SATB2: variants seen among roughly 807,000 people sequenced by gnomAD.
SATB2 encodes DNA-binding protein SATB2.
In SATB2, 1 loss-of-function variant was observed where a neutral mutation model predicts 73.4. The observed-to-expected ratio is 0.01, with a 90% confidence interval of 0.00 to 0.06. The LOEUF (loss-of-function observed/expected upper bound fraction) is 0.06, where lower values mean the gene tolerates loss of function less well. Among genes scored for constraint, SATB2 ranks in the 10% least tolerant of loss-of-function variants. The pLI is 1.00. For missense variants in SATB2, 459 were observed against 945.8 expected (o/e 0.49, Z 6.75); for synonymous variants, 397 against 367.0 (o/e 1.08, Z -0.93).
chr2:199,304,672 G>C (rs1220572304), intron 10 of SATB2, among the ~76,000 whole-genome samples: 2 of 152,192 alleles, frequency 1.3e-5, no homozygotes, highest in East Asian at 3.9e-4. Context: ...GTGGATTCAT[G>C]ATGTGACAGG....
intron 5 of SATB2, among the ~76,000 whole-genome samples, chr2:199,373,206 G>A (rs780989157): frequency 2.6e-5 from 4 of 152,250 alleles, no homozygotes; most frequent in African/African-American, 4.8e-5. Context: ...GTCTTCATGA[G>A]GGAGAGAGCA....
intron 2 of SATB2, among the ~76,000 whole-genome samples, chr2:199,438,123 AT>A (rs1263981157): frequency 6.6e-6 from 1 of 152,172 alleles, no homozygotes; most frequent in Non-Finnish European, 1.5e-5. Flanking sequence ...AAATAAAATT[AT>A]TTTTTAAAAG....
At chr2:199,337,665 A>G (rs1374305238) in intron 7 of SATB2, among the ~76,000 whole-genome samples, 1 of 152,192 alleles carries the variant, frequency 6.6e-6, no homozygotes, top group Non-Finnish European at 1.5e-5. Context: ...TCTTATAGGT[A>G]TTGCAGTCAG....
chr2:199,432,339 C>T (rs1691527855), intron 3 of SATB2, among the ~76,000 whole-genome samples: 1 of 152,218 alleles, frequency 6.6e-6, no homozygotes, highest in Non-Finnish European at 1.5e-5. Flanking sequence ...TTGGTCACCA[C>T]ATCTGTAACT....
chr2:199,447,645 C>T, intron 2 of SATB2, among the ~76,000 whole-genome samples: 1 of 152,126 alleles, frequency 6.6e-6, no homozygotes, highest in African/African-American at 2.4e-5. Context: ...CCTGGTCAAA[C>T]TGTGTATGAA....
In SATB2 at chr2:199,271,959, G is replaced by A. The variant is rs1475550131; in HGVS notation, c.*252C>T. 2 of 539,838 alleles carry A rather than the reference G, an allele frequency of 3.7e-6. No individual in the cohort carries two copies. Among genetic ancestry groups the A allele is most frequent in the East Asian group, 3.3e-5 (1 of 30,070 alleles). 33.4% of individuals were successfully genotyped at this position (539,838 alleles called of 1,614,324 possible). On this transcript the variant is annotated 3_prime_UTR_variant, in exon 11 of 11. Transcript: ENST00000417098. Reference sequence around the variant, plus strand: ...TCCAGTCATAGAGACGGGATAAAGTGTAACGCTTTAGTGTCTTTGCCAAGG... The same window carrying A: ...TCCAGTCATAGAGACGGGATAAAGTATAACGCTTTAGTGTCTTTGCCAAGG...
At position 199,417,660 on chromosome 2, in the gene SATB2, A is replaced by G. The variant is rs554267771; in HGVS notation, c.346+15678T>C. 3.3e-5 allele frequency among the ~76,000 whole-genome samples: 5 copies of G among 152,344 alleles called. No individual in the cohort carries two copies. The South Asian group carries it at 1.0e-3, about 32-fold the overall frequency. ...CTCACTAATTACAAAGCTATCAGTGAATATTTAAAGTTTCATTTGTCATTA... is the reference window on the plus strand; with the variant it reads ...CTCACTAATTACAAAGCTATCAGTGGATATTTAAAGTTTCATTTGTCATTA... On this transcript the variant is annotated intron_variant, in intron 3 of 10. Transcript: ENST00000417098.
intron 10 of SATB2, among the ~76,000 whole-genome samples, chr2:199,295,232 T>C (rs920181192): frequency 2.0e-4 from 30 of 152,216 alleles, no homozygotes; most frequent in African/African-American, 7.0e-4. Context: ...GATGATCAAA[T>C]GAGCTGTATT....
At chr2:199,328,091 C>A (rs1688080433) in intron 8 of SATB2, among the ~76,000 whole-genome samples, 1 of 152,160 alleles carries the variant, frequency 6.6e-6, no homozygotes, top group Non-Finnish European at 1.5e-5. Context: ...TATGTATAAA[C>A]ATCCTAGAGC....
chr2:199,328,872 A>G lies in SATB2; in HGVS notation c.1212T>C (p.Pro404=), dbSNP rs1486060390. 3.1e-6 allele frequency: 5 copies of G among 1,613,802 alleles called. No individual in the cohort carries two copies. Among genetic ancestry groups the G allele is most frequent in the Non-Finnish European group, 4.2e-6 (5 of 1,179,914 alleles). ...CTAGAAGAGACTGAGAGGCTGTCCG[A>G]GGGTCTTCTTCCTTACGCAGAATCT... ...LSEILRKEED[P]RTASQSLLVN... Residue 404 remains proline (P), a synonymous_variant, in exon 8 of 11, where the codon CCT becomes CCC. Transcript: ENST00000417098.
intron 2 of SATB2, among the ~76,000 whole-genome samples, chr2:199,437,350 C>T (rs929441382): frequency 6.6e-6 from 1 of 152,202 alleles, no homozygotes; most frequent in African/African-American, 2.4e-5. Context: ...CAAAACAAGC[C>T]TGGTACCCTC....
intron 3 of SATB2, among the ~76,000 whole-genome samples, chr2:199,431,121 A>G (rs1691488766): frequency 6.6e-6 from 1 of 152,220 alleles, no homozygotes; most frequent in African/African-American, 2.4e-5. Context: ...ATGAACAAAA[A>G]ACTACCCCCA....
intron 3 of SATB2, among the ~76,000 whole-genome samples, chr2:199,386,414 T>G (rs1196514479): frequency 6.6e-6 from 1 of 152,184 alleles, no homozygotes; most frequent in East Asian, 1.9e-4. Context: ...CAGGTAGGTA[T>G]GTCTAGTTAC....
At chr2:199,420,389 A>C (rs1691129328) in intron 3 of SATB2, among the ~76,000 whole-genome samples, 1 of 152,118 alleles carries the variant, frequency 6.6e-6, no homozygotes, top group Non-Finnish European at 1.5e-5. Flanking sequence ...TAGTGAGACT[A>C]TGTCTTAAGG....
intron 2 of SATB2, among the ~76,000 whole-genome samples, chr2:199,450,319 T>C (rs898088834): frequency 1.3e-5 from 2 of 152,170 alleles, no homozygotes; most frequent in South Asian, 2.1e-4. Context: ...CTGTTACACA[T>C]ACAACTTTTG....
At chr2:199,299,042 T>C (rs1422558540) in intron 10 of SATB2, among the ~76,000 whole-genome samples, 1 of 152,172 alleles carries the variant, frequency 6.6e-6, no homozygotes, top group African/African-American at 2.4e-5. Flanking sequence ...ATGAGCCAGG[T>C]GGTTTGGTTC....
chr2:199,291,533 C>T (rs1489455262), intron 10 of SATB2, among the ~76,000 whole-genome samples: 2 of 152,146 alleles, frequency 1.3e-5, no homozygotes, highest in African/African-American at 2.4e-5. Flanking sequence ...ACTGAGAGTA[C>T]AGTTTTTAGC....
intron 10 of SATB2, among the ~76,000 whole-genome samples, chr2:199,299,871 C>T (rs1324818389): frequency 3.9e-5 from 6 of 152,106 alleles, no homozygotes; most frequent in African/African-American, 1.2e-4. Flanking sequence ...GTGGTTTGCC[C>T]TCTCACAGAT....
intron 3 of SATB2, among the ~76,000 whole-genome samples, chr2:199,382,535 A>G (rs1559018564): frequency 6.6e-6 from 1 of 152,216 alleles, no homozygotes. Context: ...AAAAAATAAT[A>G]AAAATCCTTT....
Sources: allele counts gnomAD v4.1 joint callset (sites outside exome capture counted in the v4.1 genomes callset), GRCh38; gene constraint gnomAD v4.1.1; transcripts MANE v1.5; gene names NCBI Gene and HGNC (gene_info 2026-07-23, HGNC 2026-07-21).